The following SMARCA2 variants were observed in gnomAD, a reference collection of about 807,000 sequenced individuals.
The protein encoded by SMARCA2 is SWI/SNF related BAF chromatin remodeling complex subunit ATPase 2.
SMARCA2 carries 61 observed loss-of-function variants against 199.8 expected under a neutral mutation model. The ratio of observed to expected loss-of-function variants is 0.31; its 90% confidence interval spans 0.25 to 0.38. The LOEUF is 0.38. SMARCA2 is among the 10% of genes least tolerant of loss of function. SMARCA2 has a pLI of 1.00. For missense variants in SMARCA2, 1,344 were observed against 2,012.2 expected (o/e 0.67, Z 6.35); for synonymous variants, 935 against 732.0 (o/e 1.28, Z -4.48).
chr9:2,181,503 TAAAAATA>T, intron 29 of SMARCA2, 61 bp from the exon 30 acceptor site: 1 of 813,594 alleles, frequency 1.2e-6, no homozygotes, highest in Non-Finnish European at 2.2e-6. Flanking sequence ...TGTTCTGAAA[TAAAAATA>T]AAACCTTTCC....
At chr9:2,069,180 T>G (rs1173965007) in intron 9 of SMARCA2, 1 of 151,670 alleles carries the variant, frequency 6.6e-6, no homozygotes, top group Non-Finnish European at 1.5e-5. Flanking sequence ...CCTCTCAAAG[T>G]GCTGGGATTA....
chr9:2,178,734 T>A (rs551571890), intron 29 of SMARCA2, among the ~76,000 whole-genome samples: 1 of 152,276 alleles, frequency 6.6e-6, no homozygotes, highest in East Asian at 1.9e-4. Flanking sequence ...AATTTTTTTT[T>A]AACCTGTAAT....
intron 29 of SMARCA2, among the ~76,000 whole-genome samples, chr9:2,172,829 C>G (rs1251781154): frequency 6.6e-6 from 1 of 152,100 alleles, no homozygotes; most frequent in Non-Finnish European, 1.5e-5. Context: ...GACATCAGCC[C>G]TGCAGTGGAA....
chr9:2,142,062 C>T (rs1407583018), intron 27 of SMARCA2, among the ~76,000 whole-genome samples: 1 of 152,124 alleles, frequency 6.6e-6, no homozygotes, highest in African/African-American at 2.4e-5. Context: ...CAGTTAGGAC[C>T]TACAGGTTAG....
In SMARCA2 at chr9:2,119,577, C is replaced by G; in HGVS notation, c.3762+42C>G. The G allele has an allele frequency of 7.4e-7, 1 of 1,348,342 alleles. No individual in the cohort carries two copies. Among genetic ancestry groups the G allele is most frequent in the Non-Finnish European group, 1.1e-6 (1 of 940,164 alleles). 83.5% of individuals were successfully genotyped at this position (1,348,342 alleles called of 1,614,324 possible). On this transcript the variant is annotated intron_variant, in intron 26 of 33. Transcript: ENST00000349721. The surrounding 1 kb of genome is among the most constrained non-coding windows in gnomAD (Gnocchi z 4.6). Reference sequence around the variant, plus strand: ...TCATGAACACAAATGCTTTATACCTCTGCCCCTTTTTCTGTTAAGCAGAAT... The same window carrying G: ...TCATGAACACAAATGCTTTATACCTGTGCCCCTTTTTCTGTTAAGCAGAAT...
At position 2,115,289 on chromosome 9, in the gene SMARCA2, T is replaced by G. The variant is rs1223168372; in HGVS notation, c.3457-533T>G. Reference sequence around the variant, plus strand: ...TTTCCCAGATTGAAGACCGAGTCTTTGATAAGGTTAGGTTCGAGGAAATTG... The same window carrying G: ...TTTCCCAGATTGAAGACCGAGTCTTGGATAAGGTTAGGTTCGAGGAAATTG... On this transcript the variant is annotated intron_variant, in intron 24 of 33. Transcript: ENST00000349721. This position sits in a 1 kb window ranked among gnomAD's most constrained non-coding sequence, Gnocchi z 6.0. Among the ~76,000 whole-genome samples the G allele has an allele frequency of 3.3e-5, 5 of 152,164 alleles. No homozygotes were observed. Among genetic ancestry groups the G allele is most frequent in the African/African-American group, 1.2e-4 (5 of 41,434 alleles).
intron 19 of SMARCA2, among the ~76,000 whole-genome samples, chr9:2,094,780 A>G (rs568652317): frequency 1.3e-5 from 2 of 152,344 alleles, no homozygotes; most frequent in South Asian, 2.1e-4. Flanking sequence ...GAAGGCTCAG[A>G]AAGCACTTTG....
At chr9:2,171,914 C>A (rs898712926) in intron 29 of SMARCA2, among the ~76,000 whole-genome samples, 1 of 152,188 alleles carries the variant, frequency 6.6e-6, no homozygotes, top group African/African-American at 2.4e-5. Flanking sequence ...TTGCAAGTCC[C>A]CAGTGCCATG....
At chr9:2,052,473 C>G (rs936333410) in intron 5 of SMARCA2, among the ~76,000 whole-genome samples, 2 of 151,832 alleles carry the variant, frequency 1.3e-5, no homozygotes, top group South Asian at 2.1e-4. Flanking sequence ...GAGACTCCAT[C>G]TCAAACAAAC....
Position 2,123,590 on chromosome 9 carries a change from A to G in SMARCA2, c.3763-129A>G, listed in dbSNP as rs986076463. On this transcript the variant is annotated intron_variant, in intron 26 of 33. Coordinates refer to ENST00000349721, the MANE Select transcript of SMARCA2 (RefSeq NM_003070.5). The surrounding 1 kb of genome is among the most constrained non-coding windows in gnomAD (Gnocchi z 4.1). Reference sequence around the variant, plus strand: ...TTTAGGGATGAGCTAGAACAAGCCAACCAGGATGAGAGAGGTTGAAAGGGA... The same window carrying G: ...TTTAGGGATGAGCTAGAACAAGCCAGCCAGGATGAGAGAGGTTGAAAGGGA... The G allele has an allele frequency of 1.3e-6, 1 of 793,282 alleles. No homozygotes were observed. The highest frequency in any genetic ancestry group is 2.7e-5 in the East Asian group (1 of 37,688). The allele number at this position is 793,282 out of a possible 1,614,324, so 49.1% of individuals were successfully genotyped here. A position where few individuals can be genotyped will look rare whatever the true frequency, so the allele number is the denominator to read the frequency against.
intron 14 of SMARCA2, chr9:2,080,111 C>T (rs762747851): frequency 2.0e-5 from 3 of 152,220 alleles, no homozygotes; most frequent in Non-Finnish European, 4.4e-5. Context: ...TTCTCATAAA[C>T]CAGTTCAAGT....
At chr9:2,095,235 A>G (rs907880283) in intron 19 of SMARCA2, among the ~76,000 whole-genome samples, 5 of 151,824 alleles carry the variant, frequency 3.3e-5, no homozygotes, top group African/African-American at 7.3e-5. Flanking sequence ...ACAGGCACAC[A>G]CCACCATGCC....
chr9:2,089,308 A>G (rs1243755500), intron 19 of SMARCA2, among the ~76,000 whole-genome samples: 1 of 152,184 alleles, frequency 6.6e-6, no homozygotes, highest in African/African-American at 2.4e-5. Flanking sequence ...CATATTTTGG[A>G]ACCATGCATA....
At chr9:2,112,295 T>G (rs1295911550) in intron 24 of SMARCA2, among the ~76,000 whole-genome samples, 1 of 152,172 alleles carries the variant, frequency 6.6e-6, no homozygotes, top group Non-Finnish European at 1.5e-5. Context: ...GATCTATAGG[T>G]GAATGGAGAG....
At chr9:2,019,044 A>G (rs1818486617) in intron 1 of SMARCA2, among the ~76,000 whole-genome samples, 1 of 151,922 alleles carries the variant, frequency 6.6e-6, no homozygotes, top group African/African-American at 2.4e-5. Flanking sequence ...TTTTTCCTCA[A>G]ATGCTTCTTT....
chr9:2,072,470 G>A (rs12348671), intron 10 of SMARCA2, among the ~76,000 whole-genome samples: 7,150 of 152,136 alleles, frequency 0.047, 568 homozygotes, highest in African/African-American at 0.16. Flanking sequence ...TTTTTTCTTT[G>A]TCACACTCAA....
intron 1 of SMARCA2, among the ~76,000 whole-genome samples, chr9:2,024,116 A>T (rs1003245779): frequency 4.6e-5 from 7 of 152,204 alleles, no homozygotes; most frequent in Non-Finnish European, 7.3e-5. Context: ...TTTGGTGAAG[A>T]GCAATTTAAG....
chr9:2,155,720 CTTTTTTTTTTTTTTTTT>C lies in SMARCA2; in HGVS notation c.3982-5944_3982-5928del, dbSNP rs59156319. On this transcript the variant is annotated intron_variant, in intron 27 of 33. Coordinates refer to ENST00000349721, the MANE Select transcript of SMARCA2 (RefSeq NM_003070.5). The stretch of plus-strand genomic sequence containing the variant: ...TATGGCATATGGGGAAAGAGAAAAC[CTTTTTTTTTTTTTTTTT>C]TTTTTTTTTTTTTTTTTTTTTCAAA... Among the ~76,000 whole-genome samples, 21 of 53,190 alleles carry C rather than the reference CTTTTTTTTTTTTTTTTT, an allele frequency of 3.9e-4. No homozygotes were observed. The South Asian group carries it at 4.3e-3, about 11-fold the overall frequency. The allele number at this position is 53,190 out of a possible 152,430, so 34.9% of individuals were successfully genotyped here. A position where few individuals can be genotyped will look rare whatever the true frequency, so the allele number is the denominator to read the frequency against.
chr9:2,023,759 G>T (rs1307623703), intron 1 of SMARCA2, among the ~76,000 whole-genome samples: 3 of 152,146 alleles, frequency 2.0e-5, no homozygotes, highest in Admixed American at 1.3e-4. Flanking sequence ...CAGTGCTTGA[G>T]GCCCAGTTCT....
Sources: allele counts gnomAD v4.1 joint callset (sites outside exome capture counted in the v4.1 genomes callset), GRCh38; gene constraint gnomAD v4.1.1; non-coding constraint Gnocchi (gnomAD v3.1); transcripts MANE v1.5; gene names NCBI Gene and HGNC (gene_info 2026-07-23, HGNC 2026-07-21).